LRRN2: variants seen among roughly 807,000 people sequenced by gnomAD.
LRRN2 encodes leucine rich repeat neuronal 2, also known as leucine-rich repeat neuronal protein 2.
Under a neutral mutation model 35.7 loss-of-function variants are expected in LRRN2, and 10 were observed. The ratio of observed to expected loss-of-function variants is 0.28; its 90% CI spans 0.17 to 0.47. The LOEUF (loss-of-function observed/expected upper bound fraction) is 0.47, where lower values mean the gene tolerates loss of function less well. Among genes scored for constraint, LRRN2 ranks in the 20% least tolerant of loss-of-function variants. The pLI is 0.99. For synonymous variants in LRRN2, 391 were observed against 409.6 expected, an observed-to-expected ratio of 0.95 and a Z score of 0.55; for missense variants, 731 against 940.3, an observed-to-expected ratio of 0.78 and a Z score of 2.91.
intron 1 of LRRN2, among the ~76,000 whole-genome samples, chr1:204,660,401 A>C (rs1348418933): frequency 6.6e-6 from 1 of 152,122 alleles, no homozygotes; most frequent in African/African-American, 2.4e-5. Flanking sequence ...TTATCTTGTC[A>C]GTCTGAACAC....
chr1:204,683,403 G>T (rs1252042085), intron 1 of LRRN2, among the ~76,000 whole-genome samples: 4 of 151,972 alleles, frequency 2.6e-5, no homozygotes, highest in Non-Finnish European at 4.4e-5. Flanking sequence ...AGTGTGAGGG[G>T]GAAAAGGGAA....
chr1:204,653,804 G>A (rs113373278), intron 1 of LRRN2, among the ~76,000 whole-genome samples: 57 of 151,052 alleles, frequency 3.8e-4, no homozygotes, highest in African/African-American at 1.4e-3. Context: ...CAAGGCTACA[G>A]TGAGTTAGGG....
chr1:204,643,626 C>G (rs1454701335), intron 1 of LRRN2, among the ~76,000 whole-genome samples: 1 of 152,094 alleles, frequency 6.6e-6, no homozygotes, highest in Non-Finnish European at 1.5e-5. Flanking sequence ...GTGGCCGCCT[C>G]TAATCCAGAG....
At chr1:204,624,981 T>C (rs1667230374) in intron 1 of LRRN2, among the ~76,000 whole-genome samples, 1 of 152,240 alleles carries the variant, frequency 6.6e-6, no homozygotes, top group Non-Finnish European at 1.5e-5. Flanking sequence ...TCCATCTGCA[T>C]ACCTGGCCTC....
intron 1 of LRRN2, among the ~76,000 whole-genome samples, chr1:204,637,446 G>A (rs915239): frequency 0.47 from 71,681 of 151,940 alleles, 17,261 homozygotes; most frequent in Admixed American, 0.54. Context: ...TCAGGGAGAC[G>A]CTTGGTTGCC....
At chr1:204,639,624 A>G (rs1667935653) in intron 1 of LRRN2, among the ~76,000 whole-genome samples, 1 of 152,224 alleles carries the variant, frequency 6.6e-6, no homozygotes, top group African/African-American at 2.4e-5. Context: ...TGGGTGACAG[A>G]AGGCACTGTC....
intron 1 of LRRN2, among the ~76,000 whole-genome samples, chr1:204,666,002 T>C (rs544988138): frequency 5.9e-5 from 9 of 152,112 alleles, no homozygotes; most frequent in Non-Finnish European, 1.0e-4. Flanking sequence ...GCTGGGAGGG[T>C]GGTGGTACAG....
At chr1:204,679,589 T>C (rs1420162615) in intron 1 of LRRN2, among the ~76,000 whole-genome samples, 1 of 152,190 alleles carries the variant, frequency 6.6e-6, no homozygotes, top group Non-Finnish European at 1.5e-5. Context: ...ATAGGAACAA[T>C]TGTACCTGTT....
chr1:204,654,742 C>A (rs544107811), intron 1 of LRRN2, among the ~76,000 whole-genome samples: 1 of 152,332 alleles, frequency 6.6e-6, no homozygotes, highest in East Asian at 1.9e-4. Context: ...TTAACCAGTG[C>A]GTGCTGGAAC....
chr1:204,643,535 C>A (rs891835201), intron 1 of LRRN2, among the ~76,000 whole-genome samples: 1 of 152,080 alleles, frequency 6.6e-6, no homozygotes, highest in Non-Finnish European at 1.5e-5. Context: ...CTGGATTCCA[C>A]CCATTTGAAG....
chr1:204,659,638 G>GTGTGTGTGTGTGTT (rs1345090572), intron 1 of LRRN2, among the ~76,000 whole-genome samples: 13 of 150,772 alleles, frequency 8.6e-5, no homozygotes, highest in Non-Finnish European at 1.6e-4. Context: ...GTGTGTGTGT[G>GTGTGTGTGTGTGTT]TGATGGATAG....
At chr1:204,640,498 G>T (rs993905537) in intron 1 of LRRN2, among the ~76,000 whole-genome samples, 1 of 152,182 alleles carries the variant, frequency 6.6e-6, no homozygotes, top group Non-Finnish European at 1.5e-5. Context: ...CTGGAAGGGC[G>T]TTCAGGGGCT....
chr1:204,683,645 G>C (rs1317520574), intron 1 of LRRN2, among the ~76,000 whole-genome samples: 1 of 152,066 alleles, frequency 6.6e-6, no homozygotes, highest in African/African-American at 2.4e-5. Flanking sequence ...GTGTGGATTT[G>C]GGGGTGTTCC....
At chr1:204,649,579 G>C (rs1442180736) in intron 1 of LRRN2, among the ~76,000 whole-genome samples, 2 of 152,162 alleles carry the variant, frequency 1.3e-5, no homozygotes, top group Admixed American at 1.3e-4. Context: ...GCAGTATCCA[G>C]GAAAGAAGAC....
Position 204,618,474 on chromosome 1 carries a change from T to C in LRRN2, c.1519A>G (p.Thr507Ala). Residue 507 changes from threonine to alanine, a missense_variant, in exon 2 of 2, where the codon ACT (threonine) becomes GCT (alanine). Thr to Ala is a moderately conservative substitution (Grantham distance 58, BLOSUM62 0). Transcript: ENST00000367177. ...CCCACAACCACACTAACCGTCTTAGTGTCAGCCCCCACCAGGTTCTGGGCC... is the reference window on the plus strand; with the variant it reads ...CCCACAACCACACTAACCGTCTTAGCGTCAGCCCCCACCAGGTTCTGGGCC... ...CVAQNLVGAD[T>A]KTVSVVVGRA... is the part of the protein sequence containing the mutation. The C allele has an allele frequency of 6.2e-7, 1 of 1,614,206 alleles. No individual in the cohort carries two copies. Among genetic ancestry groups the C allele is most frequent in the Non-Finnish European group, 8.5e-7 (1 of 1,180,028 alleles).
At chr1:204,627,942 A>C (rs1667524769) in intron 1 of LRRN2, among the ~76,000 whole-genome samples, 2 of 152,336 alleles carry the variant, frequency 1.3e-5, no homozygotes, top group Non-Finnish European at 2.9e-5. Flanking sequence ...AGAAGGAAAG[A>C]AAGAAAGAGG....
intron 1 of LRRN2, among the ~76,000 whole-genome samples, chr1:204,659,648 G>A (rs1356622698): frequency 6.6e-6 from 1 of 151,508 alleles, no homozygotes; most frequent in Non-Finnish European, 1.5e-5. Context: ...GTGATGGATA[G>A]TTCAAAAGTC....
At chr1:204,681,439 A>G (rs1011850926) in intron 1 of LRRN2, among the ~76,000 whole-genome samples, 4 of 152,194 alleles carry the variant, frequency 2.6e-5, no homozygotes, top group African/African-American at 7.2e-5. Context: ...TGACAGCTTT[A>G]TGAAGTAGGT....
Position 204,644,773 on chromosome 1 carries a change from A to G in LRRN2, c.-226-24555T>C, listed in dbSNP as rs1237510733. On this transcript the variant is annotated intron_variant, in intron 1 of 1. Transcript: ENST00000367177. ...CTTGGCATAGGGTCTGCACATGGTC[A>G]GTGCTCAATAAATGCAGCTTGGGGT... is the stretch of plus-strand genomic sequence containing the variant. Among the ~76,000 whole-genome samples, 3 of 152,222 alleles carry G rather than the reference A, an allele frequency of 2.0e-5. No homozygotes were observed. In the East Asian group the frequency reaches 5.8e-4, roughly 29 times the overall value.
Sources: gnomAD v4.1 joint callset for allele counts (sites outside exome capture counted in the v4.1 genomes callset) on GRCh38, gnomAD v4.1.1 for gene constraint, MANE v1.5 for transcripts, NCBI Gene and HGNC (gene_info 2026-07-23, HGNC 2026-07-21) for gene names.